PIGN: variants seen among roughly 807,000 people sequenced by gnomAD.
The protein encoded by PIGN is GPI ethanolamine phosphate transferase 1.
PIGN carries 117 observed loss-of-function variants against 125.4 expected under a neutral mutation model. That is an observed-to-expected ratio of 0.93 (90% CI 0.80 to 1.09). The LOEUF (loss-of-function observed/expected upper bound fraction) is 1.09. Ranked by LOEUF, PIGN falls within the 50% of genes least tolerant of loss-of-function variation. The pLI, the probability that PIGN is intolerant of heterozygous loss-of-function variation, is 0.00. For synonymous variants in PIGN, 392 were observed against 377.8 expected (o/e 1.04, Z -0.44); for missense variants, 1,075 against 1,094.9 (o/e 0.98, Z 0.26).
rs371129813 is a variant in PIGN at position 62,088,746 on chromosome 18, C to T, written c.2370+10G>A. ...GCAGCTCTTTAAACCAAAGTCTCCA[C>T]AAAGGATACAAGGAAAAAGGCCCTA... On this transcript the variant is annotated intron_variant, in intron 25 of 30. Coordinates refer to ENST00000640252, the MANE Select transcript of PIGN (RefSeq NM_176787.5). The T allele has an allele frequency of 4.0e-6, 6 of 1,504,986 alleles. No individual in the cohort carries two copies. In the African/African-American group the frequency reaches 8.3e-5, roughly 21 times the overall value. The allele number at this position is 1,504,986 out of a possible 1,614,324, so 93.2% of individuals were successfully genotyped here.
chr18:62,102,276 T>C (rs2146339282), intron 21 of PIGN, among the ~76,000 whole-genome samples: 1 of 146,010 alleles, frequency 6.8e-6, no homozygotes, highest in Middle Eastern at 3.4e-3. Flanking sequence ...TGAAATCAAA[T>C]TACTAAAAAG....
At chr18:62,024,805 T>C (rs1224781566) in intron 23 of PIGN, among the ~76,000 whole-genome samples, 1 of 152,142 alleles carries the variant, frequency 6.6e-6, no homozygotes, top group Non-Finnish European at 1.5e-5. Flanking sequence ...CTGGGCAACA[T>C]AGCAACACCT....
At chr18:62,134,267 T>C (rs943746909) in intron 14 of PIGN, among the ~76,000 whole-genome samples, 2 of 152,028 alleles carry the variant, frequency 1.3e-5, no homozygotes, top group Non-Finnish European at 2.9e-5. Context: ...GTGGCGTGCT[T>C]GTAAGCCCAG....
intron 24 of PIGN, among the ~76,000 whole-genome samples, 194 bp downstream of exon 24, chr18:62,090,282 T>C (rs972234309): frequency 2.0e-5 from 3 of 152,142 alleles, no homozygotes; most frequent in African/African-American, 7.2e-5. Context: ...AACAACAAAA[T>C]TGTGCTTTTC....
At chr18:62,163,077 C>A (rs2037010980) in intron 2 of PIGN, among the ~76,000 whole-genome samples, 1 of 152,032 alleles carries the variant, frequency 6.6e-6, no homozygotes, top group Admixed American at 6.5e-5. Flanking sequence ...TGACAGTAAT[C>A]TTTTTAGTGC....
intron 25 of PIGN, among the ~76,000 whole-genome samples, chr18:62,086,098 T>C (rs978089302): frequency 4.6e-5 from 7 of 152,142 alleles, no homozygotes; most frequent in African/African-American, 1.4e-4. Context: ...GAGACAGAGA[T>C]AGGCACTAAG....
intron 30 of PIGN, among the ~76,000 whole-genome samples, chr18:62,065,341 C>A (rs977942480): frequency 6.6e-6 from 1 of 152,136 alleles, no homozygotes; most frequent in Non-Finnish European, 1.5e-5. Flanking sequence ...AGAAACAAAA[C>A]AGGGAAAAGA....
intron 1 of PIGN, among the ~76,000 whole-genome samples, chr18:62,168,680 G>A (rs1026065464): frequency 6.6e-6 from 1 of 152,006 alleles, no homozygotes; most frequent in Admixed American, 6.6e-5. Context: ...ATTTTGTGAA[G>A]TGATCCAATA....
chr18:62,133,205 A>C (rs1256918267), intron 14 of PIGN, among the ~76,000 whole-genome samples: 1 of 152,188 alleles, frequency 6.6e-6, no homozygotes, highest in African/African-American at 2.4e-5. Context: ...TATGATGTTC[A>C]GTAGGTTAGG....
chr18:62,046,355 C>T (rs909477024), intron 30 of PIGN, among the ~76,000 whole-genome samples: 5 of 151,842 alleles, frequency 3.3e-5, no homozygotes, highest in Non-Finnish European at 7.4e-5. Flanking sequence ...TAGGAACTGG[C>T]TGCAAAGCAG....
At chr18:62,163,440 T>C (rs1358423481) in intron 2 of PIGN, 91 bp downstream of exon 2, 1 of 152,212 alleles carries the variant, frequency 6.6e-6, no homozygotes, top group Admixed American at 6.5e-5. Flanking sequence ...GTTTTCAATT[T>C]TGTTTCAAGA....
chr18:62,111,119 G>A (rs1341910159), intron 16 of PIGN, among the ~76,000 whole-genome samples: 1 of 151,964 alleles, frequency 6.6e-6, no homozygotes, highest in African/African-American at 2.4e-5. Context: ...GAATTCAAGT[G>A]TCAGAAAATA....
intron 15 of PIGN, among the ~76,000 whole-genome samples, chr18:62,114,269 G>A (rs2034999878): frequency 6.6e-6 from 1 of 151,978 alleles, no homozygotes; most frequent in South Asian, 2.1e-4. Flanking sequence ...GGCTGAGGCA[G>A]GAGGATTGCT....
chr18:62,027,863 C>T (rs763709107), intron 23 of PIGN, among the ~76,000 whole-genome samples: 13 of 151,766 alleles, frequency 8.6e-5, no homozygotes, highest in South Asian at 2.1e-4. Flanking sequence ...GCCGTGATCA[C>T]GCCACTGCAC....
In PIGN at chr18:62,161,333, CAA is replaced by C. The variant is rs1171157842; in HGVS notation, c.19_20del (p.Leu7GlyfsTer14). The C allele has an allele frequency of 6.2e-7, 1 of 1,612,050 alleles. No homozygotes were observed. The highest frequency in any genetic ancestry group is 1.1e-5 in the South Asian group (1 of 90,730). MLLFFT[L>X]GLLIHFVFFA... is the part of the protein sequence containing the mutation. ...AGAACACAAAATGTATAAGCAATCC[CAA>C]AGTAAAGAACAGCAGCATATCCAGT... On this transcript the variant is annotated frameshift_variant, in exon 4 of 31. Transcript: ENST00000640252. LOFTEE classifies it high-confidence loss of function.
intron 30 of PIGN, among the ~76,000 whole-genome samples, chr18:62,067,621 G>C (rs2032599393): frequency 6.6e-6 from 1 of 152,130 alleles, no homozygotes; most frequent in Non-Finnish European, 1.5e-5. Flanking sequence ...TAAAGTATCT[G>C]ATAGTCATCC....
chr18:62,034,891 T>C (rs780641173), intron 23 of PIGN, among the ~76,000 whole-genome samples: 11 of 152,086 alleles, frequency 7.2e-5, no homozygotes, highest in Non-Finnish European at 1.3e-4. Context: ...GGTTTTGAAA[T>C]GTGAGGACAT....
chr18:62,131,666 G>A (rs1005591350), intron 14 of PIGN, among the ~76,000 whole-genome samples: 1 of 151,666 alleles, frequency 6.6e-6, no homozygotes, highest in Non-Finnish European at 1.5e-5. Context: ...ATTTATTTTT[G>A]CAAAAAAATA....
Position 62,138,989 on chromosome 18 carries a change from C to T in PIGN, c.1110G>A (p.Gln370=). 2 of 1,589,632 alleles carry T rather than the reference C, an allele frequency of 1.3e-6. No homozygotes were observed. Among genetic ancestry groups the T allele is most frequent in the Non-Finnish European group, 1.7e-6 (2 of 1,162,450 alleles). The change falls in exon 13 of 31, where the codon CAG becomes CAA. Residue 370 remains glutamine (Q), a synonymous_variant. Transcript: ENST00000640252. The part of the protein sequence containing the change: ...MFTNAVQILE[Q]FKVKMTQKKE... ...TTTTGAATTTTTTTTTTACCTTGAA[C>T]TGTTCAAGAATCTGTACTGCATTTG...
Sources: allele counts gnomAD v4.1 joint callset (sites outside exome capture counted in the v4.1 genomes callset), GRCh38; gene constraint gnomAD v4.1.1; transcripts MANE v1.5; gene names NCBI Gene and HGNC (gene_info 2026-07-23, HGNC 2026-07-21).